HECA: variants seen among roughly 807,000 people sequenced by gnomAD.
The protein encoded by HECA is headcase protein homolog.
Under a neutral mutation model 37.6 loss-of-function variants are expected in HECA, and 13 were observed. The ratio of observed to expected loss-of-function variants is 0.35; its 90% confidence interval spans 0.23 to 0.55. HECA has a LOEUF of 0.55. Ranked by LOEUF, HECA falls within the 20% of genes least tolerant of loss-of-function variation. The probability of loss-of-function intolerance (pLI) is 0.90; values close to 1 mark genes in which losing one functional copy is unlikely to be tolerated. For synonymous variants in HECA, 307 were observed against 291.5 expected (o/e 1.05, Z -0.54); for missense variants, 527 against 701.9 (o/e 0.75, Z 2.82).
chr6:139,166,316 T>G lies in HECA; in HGVS notation c.304T>G (p.Phe102Val), dbSNP rs1774884872. Residue 102 changes from phenylalanine to valine, a missense_variant, in exon 2 of 4, where the codon TTC (phenylalanine) becomes GTC (valine). This residue lies in a region of HECA where 172 missense variants were observed against 197.6 expected (regional missense o/e 0.87). Transcript: ENST00000367658. ...ATGTGCCACTCCCCTGATCTGCAGCTTCGGTAGGCCGGTGGACCTGGAGAA... is the reference window on the plus strand; with the variant it reads ...ATGTGCCACTCCCCTGATCTGCAGCGTCGGTAGGCCGGTGGACCTGGAGAA... ...APCATPLICS[F>V]GRPVDLEKDD... is the part of the protein sequence containing the mutation. The G allele has an allele frequency of 6.2e-7, 1 of 1,611,412 alleles. No individual in the cohort carries two copies. The highest frequency in any genetic ancestry group is 8.5e-7 in the Non-Finnish European group (1 of 1,178,154).
At chr6:139,154,885 A>G (rs1017627389) in intron 1 of HECA, among the ~76,000 whole-genome samples, 1 of 152,380 alleles carries the variant, frequency 6.6e-6, no homozygotes, top group South Asian at 2.1e-4. Context: ...GATAATCAAA[A>G]TCAAGCTTAT....
intron 1 of HECA, among the ~76,000 whole-genome samples, chr6:139,139,140 G>A (rs1006282226): frequency 6.6e-5 from 10 of 152,178 alleles, no homozygotes; most frequent in Admixed American, 1.3e-4. Context: ...TCTAGAACCC[G>A]TGGGCAGCAG....
chr6:139,176,851 G>A lies in HECA; in HGVS notation c.1468-90G>A, dbSNP rs1244255540. Reference sequence around the variant, plus strand: ...AAAAGGGATGCTTTGCAAAGCCCTTGATCAGTTTCCCAGCATTTTGGTTTG... The same window carrying A: ...AAAAGGGATGCTTTGCAAAGCCCTTAATCAGTTTCCCAGCATTTTGGTTTG... On this transcript the variant is annotated intron_variant, in intron 3 of 3. Coordinates refer to ENST00000367658, the MANE Select transcript of HECA (RefSeq NM_016217.3). The surrounding 1 kb of genome is among the most constrained non-coding windows in gnomAD (Gnocchi z 4.5). The A allele has an allele frequency of 2.4e-5, 18 of 751,644 alleles. No individual in the cohort carries two copies. The South Asian group carries it at 2.4e-4, about 10-fold the overall frequency. The allele number at this position is 751,644 out of a possible 1,614,324, so 46.6% of individuals were successfully genotyped here.
intron 1 of HECA, among the ~76,000 whole-genome samples, chr6:139,141,998 C>G (rs1774520126): frequency 7.1e-6 from 1 of 139,912 alleles, no homozygotes; most frequent in South Asian, 2.2e-4. Context: ...GTGATCTCGT[C>G]TCACTGCAAG....
At chr6:139,155,541 G>A (rs1216387680) in intron 1 of HECA, 1 of 152,116 alleles carries the variant, frequency 6.6e-6, no homozygotes, top group Non-Finnish European at 1.5e-5. Context: ...TGAATCAAAC[G>A]TCGTTATATA....
chr6:139,152,417 G>C (rs979238778), intron 1 of HECA, among the ~76,000 whole-genome samples: 5 of 38,168 alleles, frequency 1.3e-4, no homozygotes, highest in Non-Finnish European at 5.6e-5. Flanking sequence ...TGAAGCATTG[G>C]ATGTGTGTGT....
chr6:139,140,181 T>C (rs1774496633), intron 1 of HECA, among the ~76,000 whole-genome samples: 2 of 152,246 alleles, frequency 1.3e-5, no homozygotes, highest in Admixed American at 1.3e-4. Context: ...TTTACTTTAA[T>C]TCCTACTACA....
In HECA at chr6:139,135,485, T is replaced by C. The variant is rs1774419076; in HGVS notation, c.89T>C (p.Leu30Pro). Residue 30 changes from leucine to proline, a missense_variant, in exon 1 of 4, where the codon CTG (leucine) becomes CCG (proline). This residue lies in a region of HECA where 172 missense variants were observed against 197.6 expected (regional missense o/e 0.87). Transcript: ENST00000367658. ...GDEQENGAGA[L>P]AAAGAAGAAA... ...GAGCAGGAAAATGGAGCCGGGGCCC[T>C]GGCAGCGGCGGGCGCGGCGGGAGCG... is the stretch of plus-strand genomic sequence containing the variant. The C allele has an allele frequency of 4.2e-6, 5 of 1,193,298 alleles. No homozygotes were observed. Among genetic ancestry groups the C allele is most frequent in the African/African-American group, 1.6e-5 (1 of 61,102 alleles). The allele number at this position is 1,193,298 out of a possible 1,614,324, so 73.9% of individuals were successfully genotyped here.
chr6:139,141,862 C>T (rs1774517292), intron 1 of HECA, among the ~76,000 whole-genome samples: 1 of 151,146 alleles, frequency 6.6e-6, no homozygotes, highest in East Asian at 1.9e-4. Context: ...AAGCGATTCT[C>T]CTGCCTCAGC....
At chr6:139,168,391 T>G (rs887589808) in intron 2 of HECA, among the ~76,000 whole-genome samples, 5 of 151,002 alleles carry the variant, frequency 3.3e-5, no homozygotes, top group African/African-American at 1.2e-4. Flanking sequence ...CCTTTTGTTT[T>G]TATTAGGGTT....
chr6:139,143,426 G>C lies in HECA; in HGVS notation c.271+7759G>C, dbSNP rs1207645519. ...TAGTACCGTGCAAGTTTTTATTCAAGCACTGCTTTGACTCAAAATGATTAT... is the reference window on the plus strand; with the variant it reads ...TAGTACCGTGCAAGTTTTTATTCAACCACTGCTTTGACTCAAAATGATTAT... On this transcript the variant is annotated intron_variant, in intron 1 of 3. Transcript: ENST00000367658. Among the ~76,000 whole-genome samples, 3 of 152,124 alleles carry C rather than the reference G, an allele frequency of 2.0e-5. No homozygotes were observed. In the East Asian group the frequency reaches 5.8e-4, roughly 29 times the overall value.
At chr6:139,148,002 A>G (rs1256856188) in intron 1 of HECA, among the ~76,000 whole-genome samples, 1 of 152,248 alleles carries the variant, frequency 6.6e-6, no homozygotes, top group Non-Finnish European at 1.5e-5. Flanking sequence ...AATCAGATAG[A>G]TGAAAAATCA....
At chr6:139,151,391 A>C (rs911058698) in intron 1 of HECA, 1 of 152,204 alleles carries the variant, frequency 6.6e-6, no homozygotes, top group African/African-American at 2.4e-5. Context: ...AGTAGTCTTA[A>C]AATCATCTTG....
chr6:139,136,106 A>G (rs1400070185), intron 1 of HECA, among the ~76,000 whole-genome samples: 2 of 152,044 alleles, frequency 1.3e-5, no homozygotes, highest in East Asian at 3.9e-4. Flanking sequence ...GGAATGAAGG[A>G]GAGAGAGCCT....
At chr6:139,146,208 A>G (rs970767566) in intron 1 of HECA, among the ~76,000 whole-genome samples, 11 of 152,352 alleles carry the variant, frequency 7.2e-5, no homozygotes, top group African/African-American at 2.6e-4. Flanking sequence ...CGTGATCAAG[A>G]GGATGAATTC....
intron 1 of HECA, among the ~76,000 whole-genome samples, chr6:139,151,737 C>T (rs747306911): frequency 9.9e-5 from 15 of 152,142 alleles, no homozygotes; most frequent in Non-Finnish European, 2.2e-4. Context: ...CCATTACTTT[C>T]TTACCTACTT....
chr6:139,165,811 CATGT>C (rs1346461289), intron 1 of HECA, among the ~76,000 whole-genome samples: 811 of 16,896 alleles, frequency 0.048, 8 homozygotes, highest in African/African-American at 0.32. Flanking sequence ...CAGTGTGGGA[CATGT>C]GTGGGACATG....
In HECA at chr6:139,166,319, G is replaced by C; in HGVS notation, c.307G>C (p.Gly103Arg). The change falls in exon 2 of 4, where the codon GGT (glycine) becomes CGT (arginine). Residue 103 changes from glycine to arginine, a missense_variant. Physicochemically the swap from Gly to Arg is moderately radical, Grantham distance 125 (BLOSUM62 -2). Transcript: ENST00000367658. ...PCATPLICSF[G>R]RPVDLEKDDY... ...TGCCACTCCCCTGATCTGCAGCTTC[G>C]GTAGGCCGGTGGACCTGGAGAAGGA... 1 of 1,611,738 alleles carries C rather than the reference G, an allele frequency of 6.2e-7. No homozygotes were observed. Among genetic ancestry groups the C allele is most frequent in the Non-Finnish European group, 8.5e-7 (1 of 1,178,298 alleles).
At chr6:139,157,579 A>G (rs1774735445) in intron 1 of HECA, among the ~76,000 whole-genome samples, 1 of 152,248 alleles carries the variant, frequency 6.6e-6, no homozygotes. Flanking sequence ...TATGCATGCC[A>G]TACTGCTTTG....
Sources: gnomAD v4.1 joint callset for allele counts (sites outside exome capture counted in the v4.1 genomes callset) on GRCh38, gnomAD v4.1.1 for gene constraint, gnomAD v4.1.1 regional missense constraint, Gnocchi (gnomAD v3.1) non-coding constraint, MANE v1.5 for transcripts, NCBI Gene and HGNC (gene_info 2026-07-23, HGNC 2026-07-21) for gene names.